The following PARD3 variants were observed in gnomAD, a reference collection of about 807,000 sequenced individuals.
PARD3 encodes the protein par-3 family cell polarity regulator.
PARD3 carries 75 observed loss-of-function variants against 155.4 expected under a neutral mutation model. The observed-to-expected ratio is 0.48, with a 90% CI of 0.40 to 0.58. The LOEUF is 0.58. Among genes scored for constraint, PARD3 ranks in the 20% least tolerant of loss-of-function variants. PARD3 has a pLI of 0.00. For synonymous variants in PARD3, 576 were observed against 610.5 expected, an observed-to-expected ratio of 0.94 and a Z score of 0.83; for missense variants, 1,642 against 1,721.7, an observed-to-expected ratio of 0.95 and a Z score of 0.82.
intron 1 of PARD3, among the ~76,000 whole-genome samples, chr10:34,730,662 G>A (rs940431747): frequency 1.3e-5 from 2 of 152,170 alleles, no homozygotes; most frequent in African/African-American, 2.4e-5. Flanking sequence ...ATGCATGCCT[G>A]TAGTCCTACC....
intron 1 of PARD3, among the ~76,000 whole-genome samples, chr10:34,717,472 G>A (rs896539434): frequency 2.0e-5 from 3 of 152,040 alleles, no homozygotes; most frequent in African/African-American, 4.8e-5. Flanking sequence ...TATTAAACAC[G>A]CATTTATAAG....
At chr10:34,804,652 T>C (rs1030099803) in intron 1 of PARD3, among the ~76,000 whole-genome samples, 1 of 152,208 alleles carries the variant, frequency 6.6e-6, no homozygotes, top group Non-Finnish European at 1.5e-5. Context: ...TATAAGAAAA[T>C]ACGTTTCCTG....
intron 2 of PARD3, among the ~76,000 whole-genome samples, chr10:34,643,192 GA>G (rs1214122553): frequency 6.6e-6 from 1 of 152,262 alleles, no homozygotes; most frequent in African/African-American, 2.4e-5. Flanking sequence ...TGGAGGGACA[GA>G]AGGCCCCACG....
chr10:34,338,345 A>G (rs557192581), intron 16 of PARD3, among the ~76,000 whole-genome samples: 1 of 152,380 alleles, frequency 6.6e-6, no homozygotes, highest in South Asian at 2.1e-4. Context: ...AACACATTCT[A>G]AAGTGCTATA....
chr10:34,240,784 A>T (rs1230751917), intron 22 of PARD3, among the ~76,000 whole-genome samples: 1 of 152,028 alleles, frequency 6.6e-6, no homozygotes, highest in East Asian at 1.9e-4. Flanking sequence ...TTTTCTGAGG[A>T]GAGGTAAACA....
intron 2 of PARD3, among the ~76,000 whole-genome samples, chr10:34,558,549 G>C (rs1448607307): frequency 6.6e-6 from 1 of 152,164 alleles, no homozygotes; most frequent in African/African-American, 2.4e-5. Context: ...TATTATTCCA[G>C]AGAAAGTGTG....
At chr10:34,692,605 T>C (rs779984534) in intron 2 of PARD3, among the ~76,000 whole-genome samples, 3 of 152,226 alleles carry the variant, frequency 2.0e-5, no homozygotes, top group Non-Finnish European at 2.9e-5. Flanking sequence ...CCAGGCGTGG[T>C]GGCTTACGCC....
intron 6 of PARD3, among the ~76,000 whole-genome samples, chr10:34,399,705 C>T (rs751710163): frequency 5.9e-5 from 9 of 152,054 alleles, no homozygotes; most frequent in African/African-American, 9.7e-5. Flanking sequence ...TCTCTTGGAC[C>T]GACCCTATTC....
intron 22 of PARD3, among the ~76,000 whole-genome samples, chr10:34,221,099 A>T (rs931010906): frequency 2.0e-5 from 3 of 152,228 alleles, no homozygotes; most frequent in Non-Finnish European, 4.4e-5. Context: ...CAACCCTGAC[A>T]GGCACACAGA....
chr10:34,794,988 C>T (rs1280033136), intron 1 of PARD3, among the ~76,000 whole-genome samples: 5 of 152,270 alleles, frequency 3.3e-5, no homozygotes, highest in Admixed American at 3.3e-4. Context: ...CTGCCCTGAA[C>T]CTAGGCAGGC....
intron 22 of PARD3, among the ~76,000 whole-genome samples, chr10:34,138,643 A>G (rs1948025422): frequency 6.6e-6 from 1 of 152,236 alleles, no homozygotes; most frequent in Non-Finnish European, 1.5e-5. Flanking sequence ...GTTTGCCAAG[A>G]GCTCAGGACT....
At chr10:34,608,953 CGCAA>C (rs1175797321) in intron 2 of PARD3, among the ~76,000 whole-genome samples, 1 of 152,114 alleles carries the variant, frequency 6.6e-6, no homozygotes, top group Non-Finnish European at 1.5e-5. Flanking sequence ...ATAGGTGATA[CGCAA>C]ATACTGCACC....
At chr10:34,403,899 A>T (rs2132225047) in intron 5 of PARD3, among the ~76,000 whole-genome samples, 1 of 152,274 alleles carries the variant, frequency 6.6e-6, no homozygotes, top group South Asian at 2.1e-4. Context: ...CACATTACAG[A>T]TCTTTTTTTC....
chr10:34,343,570 ACTT>A, intron 15 of PARD3: 13 of 985,248 alleles, frequency 1.3e-5, no homozygotes, highest in Non-Finnish European at 1.6e-5. Context: ...CATATTTTCC[ACTT>A]CTTAACATGC....
At chr10:34,199,497 A>G (rs990054660) in intron 22 of PARD3, among the ~76,000 whole-genome samples, 2 of 152,100 alleles carry the variant, frequency 1.3e-5, no homozygotes, top group African/African-American at 4.8e-5. Flanking sequence ...GCTCAGAGTT[A>G]ACGAGGTCAT....
At chr10:34,418,721 C>G (rs1845904614) in intron 5 of PARD3, among the ~76,000 whole-genome samples, 1 of 152,082 alleles carries the variant, frequency 6.6e-6, no homozygotes, top group Admixed American at 6.6e-5. Flanking sequence ...CTAGTGTGTT[C>G]CATTTTCAGA....
chr10:34,477,074 C>A (rs1435311473), intron 3 of PARD3, among the ~76,000 whole-genome samples: 1 of 152,254 alleles, frequency 6.6e-6, no homozygotes, highest in South Asian at 2.1e-4. Flanking sequence ...ATGATCTTCT[C>A]ACCTATGATT....
At chr10:34,762,675 C>CA (rs1646028693) in intron 1 of PARD3, among the ~76,000 whole-genome samples, 1 of 152,078 alleles carries the variant, frequency 6.6e-6, no homozygotes, top group Admixed American at 6.6e-5. Context: ...TCTTACGTTC[C>CA]ACAAAATAGT....
chr10:34,762,586 G>A (rs2134027777), intron 1 of PARD3, among the ~76,000 whole-genome samples: 2 of 150,428 alleles, frequency 1.3e-5, no homozygotes, highest in South Asian at 4.2e-4. Context: ...TAGGATTAAA[G>A]GTGTGAACCA....
Sources: allele counts gnomAD v4.1 joint callset (sites outside exome capture counted in the v4.1 genomes callset), GRCh38; gene constraint gnomAD v4.1.1; transcripts MANE v1.5; gene names NCBI Gene and HGNC (gene_info 2026-07-23, HGNC 2026-07-21).